The following SHANK2 variants were observed in gnomAD, a reference collection of about 807,000 sequenced individuals.
The protein encoded by SHANK2 is SH3 and multiple ankyrin repeat domains 2.
SHANK2 carries 43 observed loss-of-function variants against 133.7 expected under a neutral mutation model. The ratio of observed to expected loss-of-function variants is 0.32; its 90% confidence interval spans 0.25 to 0.41. The LOEUF is 0.41. SHANK2 is among the 10% of genes least tolerant of loss of function. The pLI is 1.00. For missense variants in SHANK2, 1,994 were observed against 2,235.8 expected (o/e 0.89, Z 2.18); for synonymous variants, 1,017 against 952.8 (o/e 1.07, Z -1.24).
chr11:70,935,579 G>A (rs1363561575), intron 10 of SHANK2, among the ~76,000 whole-genome samples: 2 of 152,142 alleles, frequency 1.3e-5, no homozygotes, highest in East Asian at 1.9e-4. Context: ...AACCACAACC[G>A]AGTCTATTCT....
intron 17 of SHANK2, among the ~76,000 whole-genome samples, chr11:70,509,662 C>T (rs1554968968): frequency 6.6e-6 from 1 of 152,210 alleles, no homozygotes; most frequent in South Asian, 2.1e-4. Flanking sequence ...TCTATGTCCC[C>T]CCAGTCTATG....
At chr11:70,822,727 G>A (rs536175819) in intron 11 of SHANK2, among the ~76,000 whole-genome samples, 6 of 111,896 alleles carry the variant, frequency 5.4e-5, no homozygotes, top group East Asian at 3.1e-4. Flanking sequence ...CAGAGGTGGC[G>A]CTGGCAGAGG....
At chr11:70,529,733 C>T (rs534849566) in intron 17 of SHANK2, among the ~76,000 whole-genome samples, 1 of 152,208 alleles carries the variant, frequency 6.6e-6, no homozygotes, top group Non-Finnish European at 1.5e-5. Flanking sequence ...TCACCTCCTC[C>T]CTGTCTCTGT....
chr11:70,929,134 T>C (rs1950468068), intron 10 of SHANK2, among the ~76,000 whole-genome samples: 1 of 152,212 alleles, frequency 6.6e-6, no homozygotes, highest in African/African-American at 2.4e-5. Context: ...TTCCAGAACT[T>C]GTACCTGAGG....
Position 70,885,978 on chromosome 11 carries a change from C to T in SHANK2, c.1174+10523G>A, listed in dbSNP as rs1441682248. 1.3e-5 allele frequency among the ~76,000 whole-genome samples: 2 copies of T among 152,172 alleles called. 1 individual carries two copies. Reference sequence around the variant, plus strand: ...TAGGACCACAGCAACACGCACGTGACCGACCCCTTCAGCTGACATGAAAAT... The same window carrying T: ...TAGGACCACAGCAACACGCACGTGATCGACCCCTTCAGCTGACATGAAAAT... On this transcript the variant is annotated intron_variant, in intron 11 of 25. Coordinates refer to ENST00000601538, the MANE Select transcript of SHANK2 (RefSeq NM_012309.5).
rs113400145 is a variant in SHANK2, at chr11:70,950,139, A to G, written c.1108-53572T>C. 1,424 of 456,012 alleles carry G rather than the reference A, an allele frequency of 3.1e-3. 14 individuals carry two copies. The highest frequency in any genetic ancestry group is 0.025 in the African/African-American group (1,238 of 50,122). 28.2% of individuals were successfully genotyped at this position (456,012 alleles called of 1,614,324 possible). A position where few individuals can be genotyped will look rare whatever the true frequency, so the allele number is the denominator to read the frequency against. ...ATGGCGCTGACCTCAGCTCACTGCAACCTCTGTCTCCCGGGTTCAAGTGAT... is the reference window on the plus strand; with the variant it reads ...ATGGCGCTGACCTCAGCTCACTGCAGCCTCTGTCTCCCGGGTTCAAGTGAT... On this transcript the variant is annotated intron_variant, in intron 10 of 25. Coordinates refer to ENST00000601538, the MANE Select transcript of SHANK2 (RefSeq NM_012309.5).
In SHANK2 at chr11:70,492,423, G is replaced by A; in HGVS notation, c.2351C>T (p.Ala784Val). 1 of 1,614,012 alleles carries A rather than the reference G, an allele frequency of 6.2e-7. No individual in the cohort carries two copies. Among genetic ancestry groups the A allele is most frequent in the Admixed American group, 1.7e-5 (1 of 60,032 alleles). ...EIVPASKPSR[A>V]AENMAVEPRV... ...CGGTTCCACAGCCATGTTCTCAGCA[G>A]CGCGGGAGGGCTTGGAGGCCGGGAC... is the stretch of plus-strand genomic sequence containing the variant. Residue 784 changes from alanine (A) to valine (V), a missense_variant, in exon 22 of 26, where the codon GCT becomes GTT. Coordinates refer to ENST00000601538, the MANE Select transcript of SHANK2 (RefSeq NM_012309.5).
intron 1 of SHANK2, among the ~76,000 whole-genome samples, chr11:71,231,288 T>C (rs1197357626): frequency 4.6e-5 from 7 of 152,290 alleles, no homozygotes; most frequent in East Asian, 1.9e-4. Context: ...CAAGAGGATA[T>C]ACAGATGGCA....
intron 11 of SHANK2, among the ~76,000 whole-genome samples, chr11:70,871,569 C>T (rs550859010): frequency 6.6e-6 from 1 of 152,322 alleles, no homozygotes; most frequent in African/African-American, 2.4e-5. Context: ...GATTCCCCAA[C>T]ACATTTGCTG....
rs1369404989 is a variant in SHANK2 at position 70,469,578 on chromosome 11, A to G, written c.*3291T>C. On this transcript the variant is annotated 3_prime_UTR_variant, in exon 26 of 26. Coordinates refer to ENST00000601538, the MANE Select transcript of SHANK2 (RefSeq NM_012309.5). ...ATAAAAGCACAAAAGTAACAGCAAC[A>G]TAGATAATGCGAACACGTGTTGTTA... is the stretch of plus-strand genomic sequence containing the variant. 6.6e-6 allele frequency: 1 copy of G among 152,330 alleles called. No individual in the cohort carries two copies. The highest frequency in any genetic ancestry group is 1.5e-5 in the Non-Finnish European group (1 of 68,018). 9.4% of individuals were successfully genotyped at this position (152,330 alleles called of 1,614,324 possible). A position where few individuals can be genotyped will look rare whatever the true frequency, so the allele number is the denominator to read the frequency against.
Position 70,554,833 on chromosome 11 carries a change from ATT to A in SHANK2, c.2062-51904_2062-51903del, listed in dbSNP as rs34927941. ...CAACTGCTGATTTTTCACTATCTCC[ATT>A]TTTTTTTTTTTTTGAGAATGTCATA... is the stretch of plus-strand genomic sequence containing the variant. On this transcript the variant is annotated intron_variant, in intron 17 of 25. Coordinates refer to ENST00000601538, the MANE Select transcript of SHANK2 (RefSeq NM_012309.5). Among the ~76,000 whole-genome samples, 22 of 114,856 alleles carry A rather than the reference ATT, an allele frequency of 1.9e-4. No homozygotes were observed. In the East Asian group the frequency reaches 3.1e-3, roughly 16 times the overall value. The allele number at this position is 114,856 out of a possible 152,430, so 75.3% of individuals were successfully genotyped here.
chr11:71,214,778 G>A (rs1458305957), intron 2 of SHANK2, among the ~76,000 whole-genome samples: 2 of 152,174 alleles, frequency 1.3e-5, no homozygotes, highest in Non-Finnish European at 2.9e-5. Context: ...TGGGACCCAT[G>A]CAGCTGTCCT....
intron 11 of SHANK2, among the ~76,000 whole-genome samples, chr11:70,822,799 C>G (rs879972318): frequency 1.2e-4 from 6 of 48,698 alleles, no homozygotes; most frequent in South Asian, 8.6e-4. Context: ...GCTGGCAGAG[C>G]TCATAGGGGA....
chr11:71,165,837 C>T (rs1555110716), intron 2 of SHANK2, among the ~76,000 whole-genome samples: 5 of 152,286 alleles, frequency 3.3e-5, no homozygotes, highest in South Asian at 2.1e-4. Flanking sequence ...GAACGCTTCC[C>T]GGCTGATCTC....
chr11:71,216,132 G>A (rs782092084), intron 2 of SHANK2, among the ~76,000 whole-genome samples: 12 of 152,148 alleles, frequency 7.9e-5, no homozygotes, highest in East Asian at 1.9e-4. Flanking sequence ...GAATCTACCC[G>A]AGAGAAACGA....
intron 1 of SHANK2, among the ~76,000 whole-genome samples, chr11:71,241,926 T>C (rs996952374): frequency 1.3e-5 from 2 of 152,184 alleles, no homozygotes; most frequent in Non-Finnish European, 2.9e-5. Flanking sequence ...GGACTCAAGA[T>C]ACTTGCACAA....
rs191044118 is a variant in SHANK2, at chr11:70,489,219, T to C, written c.2572+109A>G. The C allele has an allele frequency of 2.2e-4, 240 of 1,082,010 alleles. No homozygotes were observed. The African/African-American group carries it at 3.2e-3, about 14-fold the overall frequency. The allele number at this position is 1,082,010 out of a possible 1,614,324, so 67.0% of individuals were successfully genotyped here. ...TCTCCATTGACCAGTCACTCTGAGT[T>C]GGCTGTCTGGCAATTCTGTTCCCAA... On this transcript the variant is annotated intron_variant, in intron 24 of 25. Coordinates refer to ENST00000601538, the MANE Select transcript of SHANK2 (RefSeq NM_012309.5).
intron 15 of SHANK2, among the ~76,000 whole-genome samples, chr11:70,665,294 C>A (rs1356537564): frequency 6.6e-6 from 1 of 152,174 alleles, no homozygotes; most frequent in East Asian, 1.9e-4. Flanking sequence ...GCACACACCA[C>A]CATGCCCAGC....
intron 17 of SHANK2, among the ~76,000 whole-genome samples, chr11:70,601,155 G>A (rs572860044): frequency 1.4e-4 from 22 of 152,094 alleles, no homozygotes; most frequent in African/African-American, 4.8e-4. Context: ...GGGTTTAAGC[G>A]ATTCTCATGC....
Sources: gnomAD v4.1 joint callset for allele counts (sites outside exome capture counted in the v4.1 genomes callset) on GRCh38, gnomAD v4.1.1 for gene constraint, MANE v1.5 for transcripts, NCBI Gene and HGNC (gene_info 2026-07-23, HGNC 2026-07-21) for gene names.